Variants in TMEM232 observed in about 807,000 individuals in gnomAD.
TMEM232 encodes the protein transmembrane protein 232.
A neutral mutation model predicts 78.8 loss-of-function variants in TMEM232; 80 were observed. That is an observed-to-expected ratio of 1.01 (90% CI 0.85 to 1.22). The LOEUF is 1.22. TMEM232 is among the 50% of genes most tolerant of loss of function. The probability of loss-of-function intolerance (pLI) is 0.00; values close to 1 mark genes in which losing one functional copy is unlikely to be tolerated. For missense variants in TMEM232, 881 were observed against 742.2 expected (o/e 1.19, Z -2.17); for synonymous variants, 297 against 254.3 (o/e 1.17, Z -1.60).
At chr5:110,561,209 T>A (rs1336414898) in intron 11 of TMEM232, among the ~76,000 whole-genome samples, 1 of 152,114 alleles carries the variant, frequency 6.6e-6, no homozygotes, top group Non-Finnish European at 1.5e-5. Context: ...CTGGGAAGAA[T>A]GTTTAAGAGC....
At chr5:110,570,616 T>C (rs958914655) in intron 10 of TMEM232, among the ~76,000 whole-genome samples, 1 of 151,958 alleles carries the variant, frequency 6.6e-6, no homozygotes. Flanking sequence ...GACGAAGATA[T>C]TGGGTGAGTA....
chr5:110,425,967 T>G (rs1757186652), intron 12 of TMEM232, among the ~76,000 whole-genome samples: 2 of 152,234 alleles, frequency 1.3e-5, no homozygotes, highest in South Asian at 2.1e-4. Context: ...GTTAAAGTGG[T>G]TTTGCCTGGT....
intron 1 of TMEM232, among the ~76,000 whole-genome samples, chr5:110,700,938 A>G (rs1048560168): frequency 6.6e-6 from 1 of 151,934 alleles, no homozygotes; most frequent in African/African-American, 2.4e-5. Flanking sequence ...CTATTCAAAT[A>G]TTAGGGGTAT....
chr5:110,516,500 TAGAGA>T (rs1282616076), intron 12 of TMEM232, among the ~76,000 whole-genome samples: 2 of 152,054 alleles, frequency 1.3e-5, no homozygotes, highest in African/African-American at 4.8e-5. Flanking sequence ...TACTGACAAA[TAGAGA>T]AAAGAGAAAT....
At chr5:110,680,507 G>C (rs1792600145) in intron 1 of TMEM232, among the ~76,000 whole-genome samples, 1 of 151,780 alleles carries the variant, frequency 6.6e-6, no homozygotes. Flanking sequence ...AGAGATGTAG[G>C]AAGTAGAATA....
At chr5:110,625,485 G>A (rs1784311032) in intron 6 of TMEM232, 52 bp from the exon 7 acceptor site, 1 of 1,409,644 alleles carries the variant, frequency 7.1e-7, no homozygotes, top group Non-Finnish European at 9.3e-7. Context: ...ATTTTGCACT[G>A]TGTTTCATTT....
At chr5:110,738,870 C>T (rs781117416), upstream of TMEM232, 9 of 850,600 alleles carry the variant, frequency 1.1e-5, no homozygotes, top group Non-Finnish European at 1.6e-5. Context: ...CCCACCTATT[C>T]CCTAACGACA....
chr5:110,694,378 G>C (rs575046572), intron 1 of TMEM232, among the ~76,000 whole-genome samples: 1 of 152,174 alleles, frequency 6.6e-6, no homozygotes, highest in Admixed American at 6.5e-5. Flanking sequence ...CATCAAGGCT[G>C]GGAAGAAACT....
At chr5:110,624,939 T>C (rs1784223584) in intron 7 of TMEM232, among the ~76,000 whole-genome samples, 1 of 152,066 alleles carries the variant, frequency 6.6e-6, no homozygotes, top group African/African-American at 2.4e-5. Context: ...AAATAATAAA[T>C]AAGTTTAACA....
chr5:110,514,962 G>A (rs1205467706), intron 12 of TMEM232, among the ~76,000 whole-genome samples: 1 of 152,184 alleles, frequency 6.6e-6, no homozygotes, highest in African/African-American at 2.4e-5. Context: ...AAAAAGAATT[G>A]TTTGAACATA....
chr5:110,405,344 G>C (rs1755746971), intron 2 of TMEM232, among the ~76,000 whole-genome samples: 1 of 151,936 alleles, frequency 6.6e-6, no homozygotes, highest in Non-Finnish European at 1.5e-5. Flanking sequence ...AATTTTTATA[G>C]TATTATTTTA....
At chr5:110,418,243 T>C (rs1428823541), downstream of TMEM232, 3 of 152,198 alleles carry the variant, frequency 2.0e-5, no homozygotes, top group African/African-American at 7.2e-5. Flanking sequence ...TTGTTTACTT[T>C]CCTAATTAGC....
intron 11 of TMEM232, among the ~76,000 whole-genome samples, chr5:110,540,210 G>C (rs945259000): frequency 1.3e-5 from 2 of 152,304 alleles, no homozygotes; most frequent in East Asian, 3.9e-4. Flanking sequence ...TCAGAACACA[G>C]ATCAACTGCC....
intron 2 of TMEM232, among the ~76,000 whole-genome samples, chr5:110,655,909 G>C (rs1239447746): frequency 1.8e-5 from 2 of 111,458 alleles, no homozygotes; most frequent in East Asian, 6.4e-4. Context: ...ACTGTTGTGG[G>C]GTGGGGGGAG....
intron 12 of TMEM232, among the ~76,000 whole-genome samples, chr5:110,526,629 C>G (rs1770642026): frequency 6.6e-6 from 1 of 151,930 alleles, no homozygotes; most frequent in Non-Finnish European, 1.5e-5. Context: ...CACAACTCCT[C>G]TGAAAGGCAC....
intron 12 of TMEM232, among the ~76,000 whole-genome samples, chr5:110,453,589 C>T (rs1431354248): frequency 3.3e-5 from 5 of 152,162 alleles, no homozygotes; most frequent in African/African-American, 9.7e-5. Flanking sequence ...GCGTGAGCCA[C>T]GTATACCTTT....
intron 12 of TMEM232, among the ~76,000 whole-genome samples, chr5:110,518,617 GA>G (rs538305767): frequency 3.3e-5 from 5 of 150,226 alleles, no homozygotes; most frequent in African/African-American, 9.8e-5. Flanking sequence ...TAGAATTCTT[GA>G]AAAAAAAATG....
intron 10 of TMEM232, among the ~76,000 whole-genome samples, chr5:110,584,359 G>A (rs552942592): frequency 6.6e-6 from 1 of 152,118 alleles, no homozygotes; most frequent in South Asian, 2.1e-4. Flanking sequence ...CAACATGGAT[G>A]AAGCCTGAAA....
rs1770939287 is a variant in TMEM232 at position 110,528,487 on chromosome 5, G to A, written c.1703+101C>T. ...TCAAGCCAAAATTTGAATTGAAGAAGAGAAACTGAGTTAAATGATGTGGCA... is the reference window on the plus strand; with the variant it reads ...TCAAGCCAAAATTTGAATTGAAGAAAAGAAACTGAGTTAAATGATGTGGCA... On this transcript the variant is annotated intron_variant, in intron 12 of 13. Transcript: ENST00000455884. 11 of 1,284,092 alleles carry A rather than the reference G, an allele frequency of 8.6e-6. No individual in the cohort carries two copies. In the Admixed American group the frequency reaches 2.3e-4, roughly 27 times the overall value. 79.5% of individuals were successfully genotyped at this position (1,284,092 alleles called of 1,614,324 possible). A position where few individuals can be genotyped will look rare whatever the true frequency, so the allele number is the denominator to read the frequency against.
Sources: gnomAD v4.1 joint callset for allele counts (sites outside exome capture counted in the v4.1 genomes callset) on GRCh38, gnomAD v4.1.1 for gene constraint, MANE v1.5 for transcripts, NCBI Gene and HGNC (gene_info 2026-07-23, HGNC 2026-07-21) for gene names.